Variants in SLC14A2 observed in about 807,000 individuals in gnomAD.
SLC14A2 encodes solute carrier family 14 member 2, also known as urea transporter 2.
A neutral mutation model predicts 104.6 loss-of-function variants in SLC14A2; 91 were observed. The ratio of observed to expected loss-of-function variants is 0.87; its 90% CI spans 0.73 to 1.04. SLC14A2 has a LOEUF of 1.04. Among genes scored for constraint, SLC14A2 ranks in the 50% least tolerant of loss-of-function variants. SLC14A2 has a pLI of 0.00. For missense variants in SLC14A2, 1,189 were observed against 1,156.0 expected, an observed-to-expected ratio of 1.03 and a Z score of -0.41; for synonymous variants, 476 against 466.4, an observed-to-expected ratio of 1.02 and a Z score of -0.27.
At chr18:45,171,539 T>C in the SLC14A2 span, among the ~76,000 whole-genome samples, 1 of 152,162 alleles carries the variant, frequency 6.6e-6, no homozygotes, top group Non-Finnish European at 1.5e-5. Flanking sequence ...GATGTGAAAT[T>C]TAGGTAGATA....
chr18:45,665,960 A>T (rs2046015565), intron 11 of SLC14A2, among the ~76,000 whole-genome samples, 177 bp from the exon 12 acceptor site: 1 of 152,132 alleles, frequency 6.6e-6, no homozygotes, highest in Non-Finnish European at 1.5e-5. Context: ...TGGATCCATG[A>T]CCAGTAAAAG....
intron 18 of SLC14A2, among the ~76,000 whole-genome samples, chr18:45,677,451 C>T (rs1045807162): frequency 4.6e-5 from 7 of 152,184 alleles, no homozygotes; most frequent in African/African-American, 1.4e-4. Flanking sequence ...AGCCCACTCC[C>T]AGAGCCAGAT....
chr18:45,476,480 G>A (rs1021519691), intron 1 of SLC14A2, among the ~76,000 whole-genome samples: 1 of 152,114 alleles, frequency 6.6e-6, no homozygotes, highest in South Asian at 2.1e-4. Context: ...TTCTTGAGAA[G>A]TATCTTTGTG....
At chr18:45,667,345 A>C (rs2046042854) in intron 13 of SLC14A2, among the ~76,000 whole-genome samples, 1 of 152,224 alleles carries the variant, frequency 6.6e-6, no homozygotes, top group Non-Finnish European at 1.5e-5. Flanking sequence ...CACTTCTGCT[A>C]TCTCAAATAT....
chr18:45,512,370 A>T (rs934777965), intron 2 of SLC14A2, among the ~76,000 whole-genome samples: 6 of 152,176 alleles, frequency 3.9e-5, no homozygotes. Context: ...GGCCAGGGAG[A>T]AGAGTCCTTT....
the SLC14A2 span, among the ~76,000 whole-genome samples, chr18:45,199,759 A>G: frequency 6.6e-6 from 1 of 152,274 alleles, no homozygotes; most frequent in East Asian, 1.9e-4. Flanking sequence ...ATTAGCAGCT[A>G]AGCTGAAGTC....
chr18:45,611,696 A>G (rs897015893), upstream of SLC14A2, among the ~76,000 whole-genome samples: 11 of 152,188 alleles, frequency 7.2e-5, no homozygotes, highest in African/African-American at 1.9e-4. Flanking sequence ...CCCAACACAA[A>G]GAGGTTGGGA....
At chr18:45,555,306 A>G (rs17667672) in intron 2 of SLC14A2, among the ~76,000 whole-genome samples, 31,855 of 152,156 alleles carry the variant, frequency 0.21, 4,098 homozygotes, top group Admixed American at 0.3. Flanking sequence ...TTTTATACAC[A>G]TGGTCCCTGA....
chr18:45,283,344 G>A (rs1394300941), intron 1 of SLC14A2, among the ~76,000 whole-genome samples: 2 of 128,126 alleles, frequency 1.6e-5, no homozygotes, highest in African/African-American at 6.7e-5. Flanking sequence ...TGACCCTCCT[G>A]ACTTACTGAG....
In SLC14A2 at chr18:45,639,798, C is replaced by A; in HGVS notation, c.896C>A (p.Pro299His). The change falls in exon 7 of 20, where the codon CCC becomes CAC. Residue 299 changes from proline (P) to histidine (H), a missense_variant. Coordinates refer to ENST00000255226, the MANE Select transcript of SLC14A2 (RefSeq NM_007163.4). Reference sequence around the variant, plus strand: ...GGCCAGGTGTATGGCTGTGACAATCCCTGGACAGGCGGCGTGTTCCTGGTG... The same window carrying A: ...GGCCAGGTGTATGGCTGTGACAATCACTGGACAGGCGGCGTGTTCCTGGTG... ...GVGQVYGCDN[P>H]WTGGVFLVAL... is the part of the protein sequence containing the mutation. The A allele has an allele frequency of 6.2e-7, 1 of 1,613,964 alleles. No homozygotes were observed. The highest frequency in any genetic ancestry group is 8.5e-7 in the Non-Finnish European group (1 of 1,180,002).
intron 1 of SLC14A2, among the ~76,000 whole-genome samples, chr18:45,392,567 C>T (rs991153255): frequency 1.2e-4 from 19 of 152,292 alleles, no homozygotes; most frequent in South Asian, 2.1e-4. Flanking sequence ...ACCATGCTTA[C>T]ATCAAGATTT....
At chr18:45,519,719 A>T (rs2043490198) in intron 2 of SLC14A2, among the ~76,000 whole-genome samples, 1 of 152,224 alleles carries the variant, frequency 6.6e-6, no homozygotes, top group Non-Finnish European at 1.5e-5. Flanking sequence ...CTCCTGTCTG[A>T]TAATTTTAAG....
chr18:45,292,926 G>C (rs1016433681), intron 1 of SLC14A2, among the ~76,000 whole-genome samples: 3 of 149,600 alleles, frequency 2.0e-5, no homozygotes, highest in African/African-American at 5.0e-5. Flanking sequence ...AAGATGATAT[G>C]TGATGTGCAA....
At chr18:45,182,838 G>T in the SLC14A2 span, among the ~76,000 whole-genome samples, 1 of 152,134 alleles carries the variant, frequency 6.6e-6, no homozygotes, top group Admixed American at 6.5e-5. Context: ...ATATAAATAT[G>T]ACAGTTCTTC....
At chr18:45,228,681 C>T (rs2084144012) in intron 1 of SLC14A2, among the ~76,000 whole-genome samples, 1 of 152,174 alleles carries the variant, frequency 6.6e-6, no homozygotes, top group African/African-American at 2.4e-5. Context: ...AGGGTGTCTC[C>T]ACAAGGTCCT....
intron 2 of SLC14A2, among the ~76,000 whole-genome samples, chr18:45,565,126 TTC>T (rs201746869): frequency 0.021 from 3,175 of 150,834 alleles, 114 homozygotes; most frequent in African/African-American, 0.074. Context: ...ATGCATGTGC[TTC>T]TTTTTTTTTT....
At chr18:45,517,329 A>T (rs574672450) in intron 2 of SLC14A2, among the ~76,000 whole-genome samples, 33 of 152,290 alleles carry the variant, frequency 2.2e-4, no homozygotes, top group Non-Finnish European at 4.0e-4. Flanking sequence ...AGACATTCCA[A>T]TATCTGCACA....
At chr18:45,210,911 A>G (rs1489991203), upstream of SLC14A2, among the ~76,000 whole-genome samples, 1 of 152,184 alleles carries the variant, frequency 6.6e-6, no homozygotes, top group Non-Finnish European at 1.5e-5. Context: ...TTTTCTCAGT[A>G]CAACTTCAAA....
At chr18:45,545,249 T>G (rs2043952210) in intron 2 of SLC14A2, among the ~76,000 whole-genome samples, 1 of 152,256 alleles carries the variant, frequency 6.6e-6, no homozygotes, top group Non-Finnish European at 1.5e-5. Context: ...GTCAATATTT[T>G]AAGCTTTTAT....
Sources: allele counts gnomAD v4.1 joint callset (sites outside exome capture counted in the v4.1 genomes callset), GRCh38; gene constraint gnomAD v4.1.1; transcripts MANE v1.5; gene names NCBI Gene and HGNC (gene_info 2026-07-23, HGNC 2026-07-21).